The following SGCZ variants were observed in gnomAD, a reference collection of about 807,000 sequenced individuals.
SGCZ encodes zeta-sarcoglycan.
Under a neutral mutation model 41.3 loss-of-function variants are expected in SGCZ, and 40 were observed. The observed-to-expected ratio is 0.97, with a 90% confidence interval of 0.75 to 1.26. SGCZ has a LOEUF of 1.26. Ranked by LOEUF, SGCZ falls within the 50% of genes most tolerant of loss-of-function variation. The pLI, the probability that SGCZ is intolerant of heterozygous loss-of-function variation, is 0.00. For synonymous variants in SGCZ, 206 were observed against 137.5 expected (o/e 1.50, Z -3.49); for missense variants, 552 against 369.8 (o/e 1.49, Z -4.04).
intron 1 of SGCZ, among the ~76,000 whole-genome samples, chr8:14,768,227 C>T (rs566158650): frequency 6.6e-6 from 1 of 152,294 alleles, no homozygotes; most frequent in South Asian, 2.1e-4. Context: ...AACATATAGT[C>T]TCCTAACATT....
At chr8:14,252,821 A>AT (rs1799330240) in intron 3 of SGCZ, among the ~76,000 whole-genome samples, 1 of 152,102 alleles carries the variant, frequency 6.6e-6, no homozygotes, top group South Asian at 2.1e-4. Context: ...GGAAATTCTG[A>AT]TTTTAGCTTT....
chr8:14,117,432 G>C (rs1414365261), intron 5 of SGCZ, among the ~76,000 whole-genome samples: 2 of 149,846 alleles, frequency 1.3e-5, no homozygotes, highest in African/African-American at 4.9e-5. Flanking sequence ...GTGTGTGTGT[G>C]TGTGTGTGTG....
intron 2 of SGCZ, among the ~76,000 whole-genome samples, chr8:14,395,119 T>C (rs1037789018): frequency 1.3e-5 from 2 of 152,176 alleles, no homozygotes; most frequent in Admixed American, 1.3e-4. Context: ...GCTCAGTAAA[T>C]ACTCTATAAT....
At chr8:14,270,070 G>A (rs538300972) in intron 3 of SGCZ, among the ~76,000 whole-genome samples, 3 of 152,212 alleles carry the variant, frequency 2.0e-5, no homozygotes, top group East Asian at 1.9e-4. Context: ...GGTGGTTCAC[G>A]CCTATAATCC....
intron 1 of SGCZ, among the ~76,000 whole-genome samples, chr8:14,920,386 A>C (rs1799555479): frequency 6.6e-6 from 1 of 152,218 alleles, no homozygotes; most frequent in South Asian, 2.1e-4. Flanking sequence ...AACCTGTTCA[A>C]ATGCACTGTT....
At chr8:14,149,916 A>G (rs1803647105) in intron 5 of SGCZ, among the ~76,000 whole-genome samples, 1 of 152,184 alleles carries the variant, frequency 6.6e-6, no homozygotes, top group Non-Finnish European at 1.5e-5. Context: ...CCAAGAACAT[A>G]CAATGGAGAA....
chr8:15,020,983 T>C (rs1317072124), intron 1 of SGCZ, among the ~76,000 whole-genome samples: 1 of 152,180 alleles, frequency 6.6e-6, no homozygotes, highest in African/African-American at 2.4e-5. Flanking sequence ...TCAAATCATA[T>C]CCTGAAAATT....
Position 15,055,455 on chromosome 8 carries a change from T to C in SGCZ, c.39+182130A>G, listed in dbSNP as rs73522838. On this transcript the variant is annotated intron_variant, in intron 1 of 7. Coordinates refer to ENST00000382080, the MANE Select transcript of SGCZ (RefSeq NM_139167.4). ...TAGGTCCTAACAATGCAGAAACAGGTAATGCATGACTATGTACGAATTTCA... is the reference window on the plus strand; with the variant it reads ...TAGGTCCTAACAATGCAGAAACAGGCAATGCATGACTATGTACGAATTTCA... 5.3e-3 allele frequency among the ~76,000 whole-genome samples: 803 copies of C among 152,208 alleles called. 7 individuals carry two copies. Among genetic ancestry groups the C allele is most frequent in the African/African-American group, 0.018 (761 of 41,524 alleles).
At chr8:14,361,502 G>A (rs1212000118) in intron 2 of SGCZ, among the ~76,000 whole-genome samples, 1 of 152,122 alleles carries the variant, frequency 6.6e-6, no homozygotes, top group African/African-American at 2.4e-5. Context: ...GCTTCACAAA[G>A]TTCTCATACT....
At chr8:14,226,593 T>C (rs1806381882) in intron 4 of SGCZ, among the ~76,000 whole-genome samples, 1 of 152,140 alleles carries the variant, frequency 6.6e-6, no homozygotes. Context: ...AGTGCATTCA[T>C]CCATTCTCTT....
In SGCZ at chr8:14,299,377, C is replaced by T. The variant is rs187127812; in HGVS notation, c.336+24726G>A. ...TTATTAGATAAATGAATAGACATAACGTAGACTCACTAAATATATTCACAA... is the reference window on the plus strand; with the variant it reads ...TTATTAGATAAATGAATAGACATAATGTAGACTCACTAAATATATTCACAA... On this transcript the variant is annotated intron_variant, in intron 3 of 7. Transcript: ENST00000382080. Among the ~76,000 whole-genome samples, 185 of 151,910 alleles carry T rather than the reference C, an allele frequency of 1.2e-3. 1 individual carries two copies. Among genetic ancestry groups the T allele is most frequent in the African/African-American group, 4.3e-3 (179 of 41,468 alleles).
Position 14,449,027 on chromosome 8 carries a change from A to T in SGCZ, c.234+105705T>A, listed in dbSNP as rs540443566. On this transcript the variant is annotated intron_variant, in intron 2 of 7. Coordinates refer to ENST00000382080, the MANE Select transcript of SGCZ (RefSeq NM_139167.4). ...CAAGTTACATTCCAGACAAACAGAT[A>T]GAAGTGAAAGGACTTATGCTCTGAT... is the stretch of plus-strand genomic sequence containing the variant. Among the ~76,000 whole-genome samples, 97 of 152,320 alleles carry T rather than the reference A, an allele frequency of 6.4e-4. 1 individual carries two copies. The highest frequency in any genetic ancestry group is 2.3e-3 in the African/African-American group (95 of 41,592).
At chr8:14,888,787 T>C (rs147589289) in intron 1 of SGCZ, among the ~76,000 whole-genome samples, 60 of 152,298 alleles carry the variant, frequency 3.9e-4, no homozygotes, top group African/African-American at 1.4e-3. Context: ...TTCATTTGTT[T>C]TTCTCAAAAA....
chr8:14,479,731 C>CTTCTTTTTTTTTT (rs1421864084), intron 2 of SGCZ, among the ~76,000 whole-genome samples: 1 of 52,976 alleles, frequency 1.9e-5, no homozygotes, highest in African/African-American at 5.1e-5. Flanking sequence ...AATTCTACTT[C>CTTCTTTTTTTTTT]TTTTTTTTTT....
intron 1 of SGCZ, among the ~76,000 whole-genome samples, chr8:14,636,987 A>T (rs1161664377): frequency 2.6e-5 from 4 of 151,880 alleles, no homozygotes; most frequent in African/African-American, 9.7e-5. Flanking sequence ...TGTTTTCCAA[A>T]ACACGACTCT....
At chr8:14,548,652 G>A (rs1381406) in intron 2 of SGCZ, among the ~76,000 whole-genome samples, 12,898 of 151,968 alleles carry the variant, frequency 0.085, 677 homozygotes, top group East Asian at 0.18. Context: ...AAGTTCTGCC[G>A]TTACTGACCT....
intron 2 of SGCZ, among the ~76,000 whole-genome samples, chr8:14,341,508 C>G (rs1343252032): frequency 6.6e-6 from 1 of 152,078 alleles, no homozygotes; most frequent in Non-Finnish European, 1.5e-5. Context: ...TTTGAGCTAG[C>G]TAGGTTTGAA....
At chr8:14,976,726 A>G (rs1264797825) in intron 1 of SGCZ, among the ~76,000 whole-genome samples, 1 of 152,186 alleles carries the variant, frequency 6.6e-6, no homozygotes, top group African/African-American at 2.4e-5. Flanking sequence ...TGAAAAACTT[A>G]CACCATCCCA....
intron 1 of SGCZ, among the ~76,000 whole-genome samples, chr8:14,938,356 A>G (rs565436320): frequency 7.2e-5 from 11 of 152,246 alleles, no homozygotes; most frequent in African/African-American, 2.6e-4. Context: ...GCCGCTCCTG[A>G]GATGGCAAGA....
Sources: gnomAD v4.1 joint callset for allele counts (sites outside exome capture counted in the v4.1 genomes callset) on GRCh38, gnomAD v4.1.1 for gene constraint, MANE v1.5 for transcripts, NCBI Gene and HGNC (gene_info 2026-07-23, HGNC 2026-07-21) for gene names.